PJA2: variants seen among roughly 807,000 people sequenced by gnomAD.
The protein encoded by PJA2 is praja ring finger ubiquitin ligase 2.
Under a neutral mutation model 69.3 loss-of-function variants are expected in PJA2, and 25 were observed. The ratio of observed to expected loss-of-function variants is 0.36; its 90% CI spans 0.26 to 0.50. PJA2 has a LOEUF of 0.50. Among genes scored for constraint, PJA2 ranks in the 20% least tolerant of loss-of-function variants. PJA2 has a pLI of 0.96. For missense variants in PJA2, 809 were observed against 830.2 expected (o/e 0.97, Z 0.31); for synonymous variants, 308 against 277.8 (o/e 1.11, Z -1.08).
intron 6 of PJA2, among the ~76,000 whole-genome samples, chr5:109,357,538 G>T (rs961102993): frequency 6.6e-6 from 1 of 152,152 alleles, no homozygotes; most frequent in African/African-American, 2.4e-5. Context: ...TCATCTAGCA[G>T]TAAGATGTAG....
rs563502357 is a variant in PJA2 at position 109,389,924 on chromosome 5, G to A, written c.-87-6404C>T. 1.2e-4 allele frequency among the ~76,000 whole-genome samples: 17 copies of A among 147,314 alleles called. No homozygotes were observed. The East Asian group carries it at 3.3e-3, about 29-fold the overall frequency. On this transcript the variant is annotated intron_variant, in intron 1 of 9. Transcript: ENST00000361189. The stretch of plus-strand genomic sequence containing the variant: ...AGTCTATTTTTTTTTTTTTGTTATT[G>A]GGTTGTAATATAATTCTATAGTGAT...
Position 109,378,358 on chromosome 5 carries a change from C to T in PJA2, c.1129G>A (p.Asp377Asn). ...GTAATAACTCTTGAGTATGGTGGATCCAAGAACATACAGTCATGCTCTCCA... is the reference window on the plus strand; with the variant it reads ...GTAATAACTCTTGAGTATGGTGGATTCAAGAACATACAGTCATGCTCTCCA... ...YDGEHDCMFLDPPYSRVITQR... is the reference protein window; with the variant it reads ...YDGEHDCMFLNPPYSRVITQR... Residue 377 changes from aspartate to asparagine, a missense_variant, in exon 4 of 10, where the codon GAT (aspartate) becomes AAT (asparagine). By Grantham distance (23) the Asp-to-Asn change is conservative (BLOSUM62 1). This residue lies in a region of PJA2 where 700 missense variants were observed against 639.5 expected (regional missense o/e 1.09). Coordinates refer to ENST00000361189, the MANE Select transcript of PJA2 (RefSeq NM_014819.5). 6.2e-7 allele frequency: 1 copy of T among 1,614,136 alleles called. No homozygotes were observed. The highest frequency in any genetic ancestry group is 1.7e-5 in the Admixed American group (1 of 60,016).
At chr5:109,346,282 A>G (rs1033278021) in intron 7 of PJA2, among the ~76,000 whole-genome samples, 3 of 152,232 alleles carry the variant, frequency 2.0e-5, no homozygotes, top group African/African-American at 7.2e-5. Flanking sequence ...TTTGACAACT[A>G]TCAAAACTGG....
In PJA2 at chr5:109,359,396, T is replaced by G. The variant is rs191717438; in HGVS notation, c.1653-3370A>C. Among the ~76,000 whole-genome samples, 857 of 152,230 alleles carry G rather than the reference T, an allele frequency of 5.6e-3. 10 individuals carry two copies. Among genetic ancestry groups the G allele is most frequent in the African/African-American group, 0.02 (818 of 41,518 alleles). ...ACCCCTAACCCGTGTTGTTCAAGAG[T>G]CAGCTGTATTAAAGGATAAATGACA... is the stretch of plus-strand genomic sequence containing the variant. On this transcript the variant is annotated intron_variant, in intron 6 of 9. Coordinates refer to ENST00000361189, the MANE Select transcript of PJA2 (RefSeq NM_014819.5).
At position 109,335,409 on chromosome 5, in the gene PJA2, C is replaced by G. The variant is rs1244483026; in HGVS notation, c.*1822G>C. 1 of 152,590 alleles carries G rather than the reference C, an allele frequency of 6.6e-6. No individual in the cohort carries two copies. The highest frequency in any genetic ancestry group is 1.5e-5 in the Non-Finnish European group (1 of 68,016). 9.5% of individuals were successfully genotyped at this position (152,590 alleles called of 1,614,324 possible). ...CTGGCAGATAATAGCTAAATCTTAACAGACAAAGAAGAAATATTTTCTTTG... is the reference window on the plus strand; with the variant it reads ...CTGGCAGATAATAGCTAAATCTTAAGAGACAAAGAAGAAATATTTTCTTTG... On this transcript the variant is annotated 3_prime_UTR_variant, in exon 10 of 10. Transcript: ENST00000361189.
chr5:109,405,409 A>C (rs1472555116), intron 1 of PJA2, among the ~76,000 whole-genome samples: 1 of 152,204 alleles, frequency 6.6e-6, no homozygotes, highest in Non-Finnish European at 1.5e-5. Context: ...TTTTGTAGAA[A>C]CCAACACGCA....
chr5:109,355,470 T>C (rs770350088), intron 7 of PJA2, among the ~76,000 whole-genome samples: 3 of 152,194 alleles, frequency 2.0e-5, no homozygotes, highest in African/African-American at 7.2e-5. Context: ...TTAAAGTGTG[T>C]ATATGTTTGC....
rs763547918 is a variant in PJA2, at chr5:109,368,731, A to G, written c.1299T>C (p.Asp433=). 1 of 1,613,104 alleles carries G rather than the reference A, an allele frequency of 6.2e-7. No individual in the cohort carries two copies. Among genetic ancestry groups the G allele is most frequent in the East Asian group, 2.2e-5 (1 of 44,860 alleles). Residue 433 remains aspartate (D), a synonymous_variant, in exon 5 of 10, where the codon GAT becomes GAC. Coordinates refer to ENST00000361189, the MANE Select transcript of PJA2 (RefSeq NM_014819.5). ...DKDEDSSECS[D]GEWSASLPHR... ...GAGGCAAAGAAGCAGACCATTCCCC[A>G]TCACTGCATTCAGAACTGCAAATCA...
chr5:109,359,641 A>T (rs1387427930), intron 6 of PJA2, among the ~76,000 whole-genome samples: 1 of 152,214 alleles, frequency 6.6e-6, no homozygotes, highest in Non-Finnish European at 1.5e-5. Context: ...ACTTTTTAAA[A>T]ATGTCAGGGT....
At position 109,379,968 on chromosome 5, in the gene PJA2, T is replaced by TA. The variant is rs201537635; in HGVS notation, c.233-715dup. 5.4e-5 allele frequency among the ~76,000 whole-genome samples: 8 copies of TA among 148,926 alleles called. 1 individual carries two copies. Among genetic ancestry groups the TA allele is most frequent in the Admixed American group, 1.3e-4 (2 of 14,882 alleles). On this transcript the variant is annotated intron_variant, in intron 3 of 9. Transcript: ENST00000361189. Reference sequence around the variant, plus strand: ...CATAACTATCTTGCATCACCACTAATAAAAAAAATGAAGACATTTGAGATT... The same window carrying TA: ...CATAACTATCTTGCATCACCACTAATAAAAAAAAATGAAGACATTTGAGATT...
chr5:109,380,117 G>T (rs1339801274), intron 3 of PJA2, among the ~76,000 whole-genome samples: 2 of 132,250 alleles, frequency 1.5e-5, no homozygotes, highest in African/African-American at 5.8e-5. Flanking sequence ...TTTTTGAGAC[G>T]GAGTCTTGCT....
chr5:109,336,942 G>A lies in PJA2; in HGVS notation c.*289C>T. ...CAAAGCCAATAACGTATGCCACACA[G>A]ATGATTATTTATTCTGGAGAGAGTC... On this transcript the variant is annotated 3_prime_UTR_variant, in exon 10 of 10. Transcript: ENST00000361189. 1 of 181,714 alleles carries A rather than the reference G, an allele frequency of 5.5e-6. No individual in the cohort carries two copies. Among genetic ancestry groups the A allele is most frequent in the Admixed American group, 5.9e-5 (1 of 17,052 alleles). The allele number at this position is 181,714 out of a possible 1,614,324, so 11.3% of individuals were successfully genotyped here.
At chr5:109,396,174 C>T (rs1300471159) in intron 1 of PJA2, among the ~76,000 whole-genome samples, 3 of 152,052 alleles carry the variant, frequency 2.0e-5, no homozygotes, top group Non-Finnish European at 4.4e-5. Context: ...AAAGACTCAT[C>T]ATTAGATATG....
At chr5:109,360,945 T>C (rs1388533838) in intron 6 of PJA2, among the ~76,000 whole-genome samples, 1 of 152,020 alleles carries the variant, frequency 6.6e-6, no homozygotes, top group Non-Finnish European at 1.5e-5. Context: ...CCGGGCAACA[T>C]GGTGAAACCC....
chr5:109,345,342 A>G (rs1042806067), intron 7 of PJA2, among the ~76,000 whole-genome samples: 1 of 150,082 alleles, frequency 6.7e-6, no homozygotes, highest in African/African-American at 2.5e-5. Flanking sequence ...AGCAACAAGA[A>G]CGAAACTCCA....
At chr5:109,342,070 C>T (rs1318202975) in intron 9 of PJA2, among the ~76,000 whole-genome samples, 1 of 128,570 alleles carries the variant, frequency 7.8e-6, no homozygotes, top group Non-Finnish European at 1.7e-5. Flanking sequence ...GCCCTCCGCC[C>T]GGCCAGCCGC....
chr5:109,382,681 C>CT (rs1205507316), intron 2 of PJA2, among the ~76,000 whole-genome samples: 1 of 152,094 alleles, frequency 6.6e-6, no homozygotes, highest in Non-Finnish European at 1.5e-5. Context: ...AACCCCGTCT[C>CT]TACTAAAAAT....
In PJA2 at chr5:109,367,000, TGG is replaced by T. The variant is rs1185597891; in HGVS notation, c.1469+1559_1469+1560del. ...TACAAAAATTAGCCAGGCATGGTGGTGGGTACCTGTACTCCCCGCTACTCAGG... is the reference window on the plus strand; with the variant it reads ...TACAAAAATTAGCCAGGCATGGTGGTGTACCTGTACTCCCCGCTACTCAGG... On this transcript the variant is annotated intron_variant, in intron 5 of 9. Transcript: ENST00000361189. Among the ~76,000 whole-genome samples, 5 of 151,784 alleles carry T rather than the reference TGG, an allele frequency of 3.3e-5. No individual in the cohort carries two copies. The South Asian group carries it at 6.3e-4, about 19-fold the overall frequency.
chr5:109,361,470 T>G (rs375043024), intron 6 of PJA2, among the ~76,000 whole-genome samples: 36 of 152,368 alleles, frequency 2.4e-4, no homozygotes, highest in South Asian at 1.4e-3. Context: ...CCTTCATATG[T>G]AACCGTAATT....
Sources: gnomAD v4.1 joint callset for allele counts (sites outside exome capture counted in the v4.1 genomes callset) on GRCh38, gnomAD v4.1.1 for gene constraint, gnomAD v4.1.1 regional missense constraint, MANE v1.5 for transcripts, NCBI Gene and HGNC (gene_info 2026-07-23, HGNC 2026-07-21) for gene names.